MYO5A: variants seen among roughly 807,000 people sequenced by gnomAD.
The protein encoded by MYO5A is myosin VA, also known as unconventional myosin-Va.
A neutral mutation model predicts 249.7 loss-of-function variants in MYO5A; 98 were observed. That is an observed-to-expected ratio of 0.39 (90% confidence interval 0.33 to 0.46). The LOEUF is 0.46. MYO5A is among the 20% of genes least tolerant of loss of function. The pLI is 0.98. For synonymous variants in MYO5A, 778 were observed against 810.6 expected, an observed-to-expected ratio of 0.96 and a Z score of 0.68; for missense variants, 1,696 against 2,308.8, an observed-to-expected ratio of 0.73 and a Z score of 5.44.
intron 14 of MYO5A, chr15:52,387,606 G>T (rs565292797): frequency 2.0e-5 from 10 of 498,586 alleles, no homozygotes; most frequent in Middle Eastern, 5.5e-4. Flanking sequence ...CTGTGTCTCA[G>T]GTGCCTCATC....
At chr15:52,356,331 A>T (rs973275075) in intron 25 of MYO5A, among the ~76,000 whole-genome samples, 1 of 152,172 alleles carries the variant, frequency 6.6e-6, no homozygotes, top group Admixed American at 6.5e-5. Flanking sequence ...AGAAAAGTTC[A>T]AAGAAGAAAA....
intron 35 of MYO5A, among the ~76,000 whole-genome samples, chr15:52,328,427 CTT>C (rs898719800): frequency 4.6e-5 from 7 of 152,138 alleles, no homozygotes; most frequent in Admixed American, 4.6e-4. Flanking sequence ...TTTTTGACTC[CTT>C]TCTTTTCTCA....
intron 23 of MYO5A, among the ~76,000 whole-genome samples, chr15:52,365,441 A>G (rs1252838001): frequency 1.3e-5 from 2 of 152,228 alleles, no homozygotes; most frequent in Non-Finnish European, 2.9e-5. Flanking sequence ...GATGAAGTAA[A>G]GTAACAAAAC....
chr15:52,448,368 G>A (rs183694796), intron 1 of MYO5A, among the ~76,000 whole-genome samples: 1 of 152,332 alleles, frequency 6.6e-6, no homozygotes, highest in Admixed American at 6.5e-5. Flanking sequence ...CTCCCATTTG[G>A]AAAGGGAGTA....
At chr15:52,506,989 A>G (rs2077285180) in intron 1 of MYO5A, among the ~76,000 whole-genome samples, 2 of 152,252 alleles carry the variant, frequency 1.3e-5, no homozygotes, top group Non-Finnish European at 2.9e-5. Flanking sequence ...AAGAGAGTAT[A>G]TATACAAACA....
At chr15:52,450,040 G>A (rs901761796) in intron 1 of MYO5A, among the ~76,000 whole-genome samples, 4 of 152,104 alleles carry the variant, frequency 2.6e-5, no homozygotes, top group Non-Finnish European at 5.9e-5. Flanking sequence ...CTTTAGAGCA[G>A]GGCGTGGTGA....
At chr15:52,420,287 A>G (rs1351419835) in intron 4 of MYO5A, among the ~76,000 whole-genome samples, 1 of 146,534 alleles carries the variant, frequency 6.8e-6, no homozygotes, top group African/African-American at 2.6e-5. Flanking sequence ...CCTGGGTGAC[A>G]TAGTGAGACC....
At position 52,507,217 on chromosome 15, in the gene MYO5A, C is replaced by T. The variant is rs551771865; in HGVS notation, c.27+21563G>A. On this transcript the variant is annotated intron_variant, in intron 1 of 41. Transcript: ENST00000399233. ...TTAGGATTCAAGCAACAGTTTATGA[C>T]ACATGTCTATATTACACATAAAATG... Among the ~76,000 whole-genome samples the T allele has an allele frequency of 5.9e-5, 9 of 152,310 alleles. No homozygotes were observed. In the South Asian group the frequency reaches 1.9e-3, roughly 32 times the overall value.
chr15:52,313,056 G>A lies in MYO5A; in HGVS notation c.*640C>T, dbSNP rs1248984022. 6.5e-6 allele frequency: 1 copy of A among 153,138 alleles called. No individual in the cohort carries two copies. The highest frequency in any genetic ancestry group is 1.5e-5 in the Non-Finnish European group (1 of 68,428). 9.5% of individuals were successfully genotyped at this position (153,138 alleles called of 1,614,324 possible). A position where few individuals can be genotyped will look rare whatever the true frequency, so the allele number is the denominator to read the frequency against. ...CACTTACATTTTAAGAAGACAGTAT[G>A]TAGCAGCAATTTAAAATGCTCAGTA... On this transcript the variant is annotated 3_prime_UTR_variant, in exon 42 of 42. Coordinates refer to ENST00000399233, the MANE Select transcript of MYO5A (RefSeq NM_001382347.1).
intron 5 of MYO5A, among the ~76,000 whole-genome samples, chr15:52,411,488 G>A (rs551128439): frequency 6.6e-6 from 1 of 151,364 alleles, no homozygotes; most frequent in South Asian, 2.1e-4. Flanking sequence ...AATGACATAT[G>A]TCTTTCTGAT....
intron 12 of MYO5A, among the ~76,000 whole-genome samples, chr15:52,390,023 A>C (rs1010713478): frequency 6.6e-6 from 1 of 152,218 alleles, no homozygotes; most frequent in Non-Finnish European, 1.5e-5. Flanking sequence ...TACGTTTTTA[A>C]AATTCTGTTA....
chr15:52,352,228 C>T (rs2039988758), intron 27 of MYO5A, among the ~76,000 whole-genome samples: 1 of 152,160 alleles, frequency 6.6e-6, no homozygotes, highest in South Asian at 2.1e-4. Flanking sequence ...GCTGCCCACT[C>T]CATGCTCTGT....
Position 52,310,073 on chromosome 15 carries a change from A to G in MYO5A, c.*3623T>C, listed in dbSNP as rs1474610096. ...ATATTACACATAATTACTCACCCAG[A>G]AAGAGCCAACTATGAGCTATCCATG... is the stretch of plus-strand genomic sequence containing the variant. On this transcript the variant is annotated 3_prime_UTR_variant, in exon 42 of 42. Coordinates refer to ENST00000399233, the MANE Select transcript of MYO5A (RefSeq NM_001382347.1). 6.6e-6 allele frequency: 1 copy of G among 152,240 alleles called. No homozygotes were observed. Among genetic ancestry groups the G allele is most frequent in the Non-Finnish European group, 1.5e-5 (1 of 68,040 alleles). 9.4% of individuals were successfully genotyped at this position (152,240 alleles called of 1,614,324 possible).
rs367705638 is a variant in MYO5A at position 52,382,051 on chromosome 15, C to T, written c.2012+1040G>A. ...CCGAGTAGCTGGGATTACAGGCGCC[C>T]GCCACTACACCCGGCTAATTTTTGT... On this transcript the variant is annotated intron_variant, in intron 16 of 41. Transcript: ENST00000399233. Among the ~76,000 whole-genome samples the T allele has an allele frequency of 3.9e-3, 599 of 152,014 alleles. 9 individuals are homozygous for T. Among genetic ancestry groups the T allele is most frequent in the African/African-American group, 0.014 (575 of 41,486 alleles).
intron 1 of MYO5A, among the ~76,000 whole-genome samples, chr15:52,478,539 C>G (rs2076648170): frequency 6.6e-6 from 1 of 152,204 alleles, no homozygotes; most frequent in African/African-American, 2.4e-5. Context: ...TGTTCCTATT[C>G]AGCCATTTTG....
intron 1 of MYO5A, among the ~76,000 whole-genome samples, chr15:52,521,335 T>A (rs1216586775): frequency 1.3e-5 from 2 of 152,182 alleles, no homozygotes; most frequent in Non-Finnish European, 2.9e-5. Context: ...GCCCTGATCA[T>A]TTTACTTCTC....
intron 14 of MYO5A, among the ~76,000 whole-genome samples, chr15:52,387,537 G>A (rs1376863676): frequency 6.6e-6 from 1 of 152,174 alleles, no homozygotes; most frequent in Non-Finnish European, 1.5e-5. Flanking sequence ...TAAAAGCACA[G>A]ACACAGCAAG....
chr15:52,346,442 G>A lies in MYO5A; in HGVS notation c.3878C>T (p.Thr1293Ile), dbSNP rs2141006047. The A allele has an allele frequency of 6.3e-7, 1 of 1,594,058 alleles. No individual in the cohort carries two copies. Among genetic ancestry groups the A allele is most frequent in the Non-Finnish European group, 8.6e-7 (1 of 1,162,430 alleles). ...TTTTTGTACATCTTCCAAAAGTATT[G>A]TGGAATCTGTCATTGTATTCTGAGA... ...KDDKNTMTDS[T>I]ILLEDVQKMK... The change falls in exon 30 of 42, where the codon ACA (threonine) becomes ATA (isoleucine). Residue 1293 changes from threonine to isoleucine, a missense_variant. By Grantham distance (89) the Thr-to-Ile change is moderately conservative. Around this residue, in one of 5 missense-constraint regions of MYO5A, gnomAD observed 625 missense variants for 908.1 expected, o/e 0.69. Transcript: ENST00000399233.
intron 1 of MYO5A, 134 bp downstream of exon 1, chr15:52,528,646 G>A: frequency 9.4e-7 from 1 of 1,063,674 alleles, no homozygotes; most frequent in Non-Finnish European, 1.3e-6. Context: ...AGGGCCGAGG[G>A]TTCTGAGGCG....
Sources: gnomAD v4.1 joint callset for allele counts (sites outside exome capture counted in the v4.1 genomes callset) on GRCh38, gnomAD v4.1.1 for gene constraint, gnomAD v4.1.1 regional missense constraint, MANE v1.5 for transcripts, NCBI Gene and HGNC (gene_info 2026-07-23, HGNC 2026-07-21) for gene names.